KSR2: variants seen among roughly 807,000 people sequenced by gnomAD.
The protein encoded by KSR2 is kinase suppressor of ras 2.
A neutral mutation model predicts 107.8 loss-of-function variants in KSR2; 25 were observed. The observed-to-expected ratio is 0.23, with a 90% confidence interval of 0.17 to 0.32. KSR2 has a LOEUF of 0.32. Ranked by LOEUF, KSR2 falls within the 10% of genes least tolerant of loss-of-function variation. The pLI, the probability that KSR2 is intolerant of heterozygous loss-of-function variation, is 1.00. For missense variants in KSR2, 887 were observed against 1,268.9 expected, an observed-to-expected ratio of 0.70 and a Z score of 4.57; for synonymous variants, 480 against 507.0, an observed-to-expected ratio of 0.95 and a Z score of 0.71.
chr12:117,538,192 G>C (rs893118364), intron 10 of KSR2, among the ~76,000 whole-genome samples: 1 of 152,058 alleles, frequency 6.6e-6, no homozygotes, highest in Non-Finnish European at 1.5e-5. Context: ...GGAAGTGCCG[G>C]GCAATGAATC....
At chr12:117,678,412 G>A (rs1265190023) in intron 4 of KSR2, among the ~76,000 whole-genome samples, 1 of 151,982 alleles carries the variant, frequency 6.6e-6, no homozygotes, top group Non-Finnish European at 1.5e-5. Context: ...TGTACTAGGA[G>A]TTAGGATTCC....
Position 117,763,600 on chromosome 12 carries a change from C to T in KSR2, c.473-2076G>A, listed in dbSNP as rs12811791. On this transcript the variant is annotated intron_variant, in intron 3 of 19. Coordinates refer to ENST00000339824, the MANE Select transcript of KSR2 (RefSeq NM_173598.6). ...GGTGGTGTTCACAACTGTGTGATGA[C>T]AATGGGGTGACACTCAAGGAGAGGC... Among the ~76,000 whole-genome samples the T allele has an allele frequency of 3.4e-3, 518 of 152,242 alleles. 3 individuals carry two copies. The highest frequency in any genetic ancestry group is 5.9e-3 in the Non-Finnish European group (404 of 68,020).
chr12:117,860,350 C>T lies in KSR2; in HGVS notation c.262G>A (p.Gly88Ser), dbSNP rs1318422815. The stretch of plus-strand genomic sequence containing the variant: ...AACCAGTGCCGTAGCTGGGGGAAGC[C>T]GTCCAGCTCCGCGTTGCGCTCCTGC... ...ALQERNAELDGFPQLRHWFRI... is the reference protein window; with the variant it reads ...ALQERNAELDSFPQLRHWFRI... The change falls in exon 2 of 20, where the codon GGC becomes AGC. Residue 88 changes from glycine (G) to serine (S), a missense_variant. Around this residue, in one of 8 missense-constraint regions of KSR2, gnomAD observed 399 missense variants for 479.5 expected, o/e 0.83. Coordinates refer to ENST00000339824, the MANE Select transcript of KSR2 (RefSeq NM_173598.6). 4 of 1,613,858 alleles carry T rather than the reference C, an allele frequency of 2.5e-6. No individual in the cohort carries two copies. In the South Asian group the frequency reaches 3.3e-5, roughly 13 times the overall value.
intron 4 of KSR2, chr12:117,677,055 G>A (rs1187787085): frequency 6.6e-6 from 1 of 152,224 alleles, no homozygotes. Context: ...TGGGAAGCAG[G>A]AAGCCTTCCT....
Position 117,623,289 on chromosome 12 carries a change from T to C in KSR2, c.1172-40930A>G, listed in dbSNP as rs940466822. 2.2e-4 allele frequency among the ~76,000 whole-genome samples: 34 copies of C among 152,210 alleles called. 1 individual carries two copies. Among genetic ancestry groups the C allele is most frequent in the Non-Finnish European group, 1.5e-5 (1 of 68,038 alleles). The stretch of plus-strand genomic sequence containing the variant: ...GGTACATGTGCACAACATGCAGGTT[T>C]GATACATAGGTATACATGTGACTTG... On this transcript the variant is annotated intron_variant, in intron 5 of 19. Transcript: ENST00000339824.
intron 16 of KSR2, among the ~76,000 whole-genome samples, chr12:117,483,168 A>G (rs1335642792): frequency 6.6e-6 from 1 of 152,150 alleles, no homozygotes; most frequent in Non-Finnish European, 1.5e-5. Flanking sequence ...AGGGACTACA[A>G]ATAATTTTGT....
rs561978048 is a variant in KSR2, at chr12:117,637,028, A to C, written c.1171+30446T>G. Among the ~76,000 whole-genome samples the C allele has an allele frequency of 8.1e-4, 123 of 152,344 alleles. 2 individuals are homozygous for C. In the South Asian group the frequency reaches 0.025, roughly 31 times the overall value. ...ATTTCACAGGTAATGAAACCTAAGA[A>C]GACTATAAACTTGGGAAAAGACCTT... On this transcript the variant is annotated intron_variant, in intron 5 of 19. Transcript: ENST00000339824.
intron 17 of KSR2, among the ~76,000 whole-genome samples, chr12:117,472,868 T>A (rs1871557321): frequency 6.6e-6 from 1 of 152,208 alleles, no homozygotes; most frequent in Non-Finnish European, 1.5e-5. Context: ...ATGCTTTGAC[T>A]ACTTGGGGCT....
Position 117,508,715 on chromosome 12 carries a change from G to A in KSR2, c.2219+16137C>T, listed in dbSNP as rs117290178. Among the ~76,000 whole-genome samples, 353 of 152,102 alleles carry A rather than the reference G, an allele frequency of 2.3e-3. 13 individuals carry two copies. In the East Asian group the frequency reaches 0.06, roughly 26 times the overall value. Reference sequence around the variant, plus strand: ...ACAGGTGGATGTTAAACAGATGAATGGATGAGAGGGTGGGTGCATGGGTAG... The same window carrying A: ...ACAGGTGGATGTTAAACAGATGAATAGATGAGAGGGTGGGTGCATGGGTAG... On this transcript the variant is annotated intron_variant, in intron 14 of 19. Transcript: ENST00000339824.
chr12:117,855,488 G>A lies in KSR2; in HGVS notation c.412C>T (p.Arg138Trp), dbSNP rs774517574. ...CETVEKYGAN[R>W]EECARLNASL... ...GCGTTGAGGCGGGCACACTCCTCCC[G>A]GTTGGCTCCGTATTTCTCCACAGTC... Residue 138 changes from arginine (R) to tryptophan (W), a missense_variant, in exon 3 of 20, where the codon CGG becomes TGG. This residue lies in a region of KSR2 where 399 missense variants were observed against 479.5 expected (regional missense o/e 0.83). Coordinates refer to ENST00000339824, the MANE Select transcript of KSR2 (RefSeq NM_173598.6). The A allele has an allele frequency of 6.2e-7, 1 of 1,613,998 alleles. No homozygotes were observed. Among genetic ancestry groups the A allele is most frequent in the South Asian group, 1.1e-5 (1 of 91,074 alleles).
At chr12:117,510,874 T>G (rs1873981418) in intron 14 of KSR2, among the ~76,000 whole-genome samples, 1 of 88,876 alleles carries the variant, frequency 1.1e-5, no homozygotes, top group Non-Finnish European at 2.1e-5. Flanking sequence ...TGAGACCCTG[T>G]CTCAAAAAAA....
At chr12:117,816,059 G>A (rs1305461486) in intron 3 of KSR2, among the ~76,000 whole-genome samples, 2 of 150,470 alleles carry the variant, frequency 1.3e-5, no homozygotes, top group East Asian at 3.9e-4. Flanking sequence ...TGAGAAGAGG[G>A]CAAGGTTGCA....
chr12:117,467,913 T>TTTCTGGG, intron 19 of KSR2: 1 of 205,832 alleles, frequency 4.9e-6, no homozygotes, highest in Non-Finnish European at 8.3e-6. Context: ...TAGACCACAG[T>TTTCTGGG]CCTGTGTTTT....
chr12:117,771,458 T>C (rs970974538), intron 3 of KSR2, among the ~76,000 whole-genome samples: 2 of 152,292 alleles, frequency 1.3e-5, no homozygotes, highest in Non-Finnish European at 1.5e-5. Flanking sequence ...TGGACACATG[T>C]CATCAGGACC....
At chr12:117,592,799 G>T (rs1880403930) in intron 5 of KSR2, among the ~76,000 whole-genome samples, 1 of 152,088 alleles carries the variant, frequency 6.6e-6, no homozygotes, top group Admixed American at 6.5e-5. Flanking sequence ...ATCTAAGATG[G>T]TAACACTAGG....
At chr12:117,904,135 G>T (rs1336565406) in intron 1 of KSR2, among the ~76,000 whole-genome samples, 1 of 152,066 alleles carries the variant, frequency 6.6e-6, no homozygotes, top group Admixed American at 6.6e-5. Context: ...AGAAAACATC[G>T]CCTGTCAGGT....
intron 5 of KSR2, among the ~76,000 whole-genome samples, chr12:117,633,574 T>C (rs535474857): frequency 6.6e-6 from 1 of 152,354 alleles, no homozygotes; most frequent in East Asian, 1.9e-4. Flanking sequence ...ATAAATTCCA[T>C]GCCTCTCTTC....
chr12:117,618,055 C>T (rs1432326788), intron 5 of KSR2, among the ~76,000 whole-genome samples: 2 of 152,066 alleles, frequency 1.3e-5, no homozygotes, highest in Non-Finnish European at 2.9e-5. Flanking sequence ...TTTCTGGTAA[C>T]TTTTTATTGA....
chr12:117,837,655 T>C (rs1350776433), intron 3 of KSR2, among the ~76,000 whole-genome samples: 1 of 152,158 alleles, frequency 6.6e-6, no homozygotes, highest in Non-Finnish European at 1.5e-5. Flanking sequence ...GAAAAATCTG[T>C]CAGCCCGAGC....
Sources: allele counts gnomAD v4.1 joint callset (sites outside exome capture counted in the v4.1 genomes callset), GRCh38; gene constraint gnomAD v4.1.1; regional missense constraint gnomAD v4.1.1; transcripts MANE v1.5; gene names NCBI Gene and HGNC (gene_info 2026-07-23, HGNC 2026-07-21).